LAMP2: variants seen among roughly 807,000 people sequenced by gnomAD.
LAMP2 encodes the protein lysosome-associated membrane glycoprotein 2.
LAMP2 carries 4 observed loss-of-function variants against 25.6 expected under a neutral mutation model. The ratio of observed to expected loss-of-function variants is 0.16; its 90% CI spans 0.08 to 0.36. The LOEUF (loss-of-function observed/expected upper bound fraction) is 0.36. LAMP2 is among the 10% of genes least tolerant of loss of function. The pLI is 1.00. For synonymous variants in LAMP2, 108 were observed against 112.7 expected, an observed-to-expected ratio of 0.96 and a Z score of 0.27; for missense variants, 272 against 301.4, an observed-to-expected ratio of 0.90 and a Z score of 0.72.
At chrX:120,442,734 C>G (rs922265737) in intron 6 of LAMP2, 72 bp from the exon 7 acceptor site, 2 of 825,642 alleles carry the variant, frequency 2.4e-6, no homozygotes, top group African/African-American at 4.0e-5. Context: ...GGTTAATACC[C>G]ACAGAAGAAA....
intron 8 of LAMP2, among the ~76,000 whole-genome samples, chrX:120,433,581 T>G (rs896321437): frequency 1.8e-5 from 2 of 111,377 alleles, no homozygotes; most frequent in Non-Finnish European, 3.8e-5. Context: ...AAAAGAGATA[T>G]AAATGGGCCT....
At chrX:120,451,168 C>T (rs1209423268) in intron 3 of LAMP2, among the ~76,000 whole-genome samples, 2 of 111,372 alleles carry the variant, frequency 1.8e-5, no homozygotes, top group Non-Finnish European at 3.8e-5. Flanking sequence ...ATCTGCCTGC[C>T]TTGGCCTCCC....
chrX:120,460,315 G>A (rs534465341), intron 1 of LAMP2, among the ~76,000 whole-genome samples: 3 of 110,485 alleles, frequency 2.7e-5, no homozygotes, highest in African/African-American at 3.3e-5. Context: ...AGGAGGGGTT[G>A]GTCTTGCTGT....
In LAMP2 at chrX:120,428,582, C is replaced by T; in HGVS notation, c.*2741G>A. On this transcript the variant is annotated 3_prime_UTR_variant, in exon 9 of 9. Coordinates refer to ENST00000200639, the MANE Select transcript of LAMP2 (RefSeq NM_002294.3). ...AAGCCCAAGGCCACACCCACTGCAA[C>T]AGGAATAAGAAAGTTGAGGTCAGAG... 8.3e-7 allele frequency: 1 copy of T among 1,199,245 alleles called. No individual in the cohort carries two copies.
intron 5 of LAMP2, 72 bp downstream of exon 5, chrX:120,447,761 ACCTTTGGG>A (rs2058603693): frequency 1.2e-6 from 1 of 863,557 alleles, no homozygotes; most frequent in African/African-American, 2.0e-5. Flanking sequence ...TAGTAACACT[ACCTTTGGG>A]CTGAAGGTAG....
chrX:120,462,899 C>G (rs1192062504), intron 1 of LAMP2, among the ~76,000 whole-genome samples: 2 of 111,888 alleles, frequency 1.8e-5, no homozygotes, highest in African/African-American at 6.5e-5. Context: ...CATATAAACC[C>G]TTCAGAGCTA....
rs1306892472 is a variant in LAMP2, at chrX:120,430,621, A to T, written c.*702T>A. Reference sequence around the variant, plus strand: ...CTATATTGCTGAAAAACAAACAATTATCTTAAAAACTCTAATTACGAAGCC... The same window carrying T: ...CTATATTGCTGAAAAACAAACAATTTTCTTAAAAACTCTAATTACGAAGCC... On this transcript the variant is annotated 3_prime_UTR_variant, in exon 9 of 9. Coordinates refer to ENST00000200639, the MANE Select transcript of LAMP2 (RefSeq NM_002294.3). 7 of 752,007 alleles carry T rather than the reference A, an allele frequency of 9.3e-6. No homozygotes were observed. Among genetic ancestry groups the T allele is most frequent in the Non-Finnish European group, 7.8e-6 (5 of 638,024 alleles). 62.0% of individuals were successfully genotyped at this position (752,007 alleles called of 1,213,427 possible).
rs769378984 is a variant in LAMP2 at position 120,469,141 on chromosome X, G to A, written c.29C>T (p.Pro10Leu). Residue 10 changes from proline (P) to leucine (L), a missense_variant, in exon 1 of 9, where the codon CCG (proline) becomes CTG (leucine). By Grantham distance (98) the Pro-to-Leu change is moderately conservative. Transcript: ENST00000200639. ...GCAGACCAGAACGAGCCCTGAGCCC[G>A]GAACCGGGAAGAGGCGGAAGCACAC... MVCFRLFPV[P>L]GSGLVLVCLV... 1.9e-5 allele frequency: 23 copies of A among 1,211,084 alleles called. No individual in the cohort carries two copies. The South Asian group carries it at 2.5e-4, about 13-fold the overall frequency.
intron 8 of LAMP2, chrX:120,437,849 G>GT (rs2058552212): frequency 2.7e-6 from 2 of 734,085 alleles, no homozygotes; most frequent in Non-Finnish European, 1.6e-6. Flanking sequence ...TTGTTTGTTT[G>GT]TTTGTTTTGT....
chrX:120,446,076 C>T (rs375236214), intron 6 of LAMP2, among the ~76,000 whole-genome samples: 38 of 110,719 alleles, frequency 3.4e-4, no homozygotes, highest in African/African-American at 1.2e-3. Flanking sequence ...CCTAGAGTCT[C>T]TCTAATGGTA....
intron 8 of LAMP2, chrX:120,436,584 AG>A (rs1444820337): frequency 1.4e-6 from 1 of 739,490 alleles, no homozygotes; most frequent in Non-Finnish European, 1.6e-6. Flanking sequence ...TACATCAACT[AG>A]TGGTTTAAAC....
chrX:120,464,486 G>C (rs1921454432), intron 1 of LAMP2, among the ~76,000 whole-genome samples: 1 of 111,305 alleles, frequency 9.0e-6, no homozygotes, highest in Admixed American at 9.6e-5. Context: ...CCATAGGAGA[G>C]ACTTGACTAA....
chrX:120,437,831 T>C (rs2058552022), intron 8 of LAMP2: 1 of 746,360 alleles, frequency 1.3e-6, no homozygotes, highest in Non-Finnish European at 1.6e-6. Flanking sequence ...TTTGGTTAGA[T>C]GCAAGTTTTG....
In LAMP2 at chrX:120,430,916, T is replaced by G; in HGVS notation, c.*407A>C. 1.2e-6 allele frequency: 1 copy of G among 809,745 alleles called. No individual in the cohort carries two copies. Among genetic ancestry groups the G allele is most frequent in the African/African-American group, 2.2e-5 (1 of 45,811 alleles). 66.7% of individuals were successfully genotyped at this position (809,745 alleles called of 1,213,427 possible). Reference sequence around the variant, plus strand: ...TGATGAGTTTAAATCACTATAGTCCTTATACATTGAAACAGAACACCAGTA... The same window carrying G: ...TGATGAGTTTAAATCACTATAGTCCGTATACATTGAAACAGAACACCAGTA... On this transcript the variant is annotated 3_prime_UTR_variant, in exon 9 of 9. Transcript: ENST00000200639.
At chrX:120,460,732 C>G (rs1348153525) in intron 1 of LAMP2, among the ~76,000 whole-genome samples, 1 of 112,013 alleles carries the variant, frequency 8.9e-6, no homozygotes, top group East Asian at 2.8e-4. Context: ...GGGTGGATCA[C>G]TTGAGGTCAG....
chrX:120,438,993 A>C (rs2058559415), intron 8 of LAMP2: 2 of 1,065,557 alleles, frequency 1.9e-6, no homozygotes, highest in Non-Finnish European at 2.4e-6. Context: ...TCAGGCAACT[A>C]ATTTGTAGTT....
chrX:120,451,758 G>A (rs1415142899), intron 3 of LAMP2, among the ~76,000 whole-genome samples: 2 of 111,528 alleles, frequency 1.8e-5, no homozygotes, highest in African/African-American at 3.3e-5. Context: ...GAGCCACTGC[G>A]CCCAGCCATA....
chrX:120,438,724 ACACACAC>A (rs2058557507), intron 8 of LAMP2: 28 of 793,370 alleles, frequency 3.5e-5, no homozygotes, highest in Non-Finnish European at 4.1e-5. Context: ...ACACACACAC[ACACACAC>A]AAAAAGAGCA....
intron 3 of LAMP2, among the ~76,000 whole-genome samples, chrX:120,451,684 T>C (rs1046043702): frequency 1.8e-5 from 2 of 111,406 alleles, no homozygotes; most frequent in Non-Finnish European, 3.8e-5. Flanking sequence ...CAGGCTGGTC[T>C]CAATCTCCTG....
Sources: allele counts gnomAD v4.1 joint callset (sites outside exome capture counted in the v4.1 genomes callset), GRCh38; gene constraint gnomAD v4.1.1; transcripts MANE v1.5; gene names NCBI Gene and HGNC (gene_info 2026-07-23, HGNC 2026-07-21).